The following EP400 variants were observed in gnomAD, a reference collection of about 807,000 sequenced individuals.
The protein encoded by EP400 is E1A-binding protein p400.
In EP400, 105 loss-of-function variants were observed where a neutral mutation model predicts 354.1. The observed-to-expected ratio is 0.30, with a 90% CI of 0.25 to 0.35. The LOEUF is 0.35. EP400 is among the 10% of genes least tolerant of loss of function. The pLI, the probability that EP400 is intolerant of heterozygous loss-of-function variation, is 1.00. For missense variants in EP400, 3,280 were observed against 4,121.0 expected (o/e 0.80, Z 5.59); for synonymous variants, 1,646 against 1,716.9 (o/e 0.96, Z 1.02).
At chr12:132,011,390 CAT>C in intron 15 of EP400, 106 bp from the exon 16 acceptor site, 1 of 1,371,348 alleles carries the variant, frequency 7.3e-7, no homozygotes, top group Non-Finnish European at 1.0e-6. Context: ...TGCGATGGCT[CAT>C]GTGACACATA....
intron 15 of EP400, 150 bp downstream of exon 15, chr12:132,007,027 C>A: frequency 1.3e-6 from 1 of 797,438 alleles, no homozygotes; most frequent in Non-Finnish European, 2.0e-6. Flanking sequence ...CAGAAGTATT[C>A]ATTTTATGAA....
At chr12:132,053,259 A>C (rs549025182) in intron 42 of EP400, 35 bp downstream of exon 42, 1 of 1,611,876 alleles carries the variant, frequency 6.2e-7, no homozygotes, top group South Asian at 1.1e-5. Context: ...TGAGTGGGAA[A>C]ATGTGGTGAC....
chr12:132,059,250 A>G (rs977473688), intron 45 of EP400, among the ~76,000 whole-genome samples: 1 of 152,166 alleles, frequency 6.6e-6, no homozygotes, highest in Non-Finnish European at 1.5e-5. Flanking sequence ...ACACCGAGGT[A>G]GGGCCCCAGG....
rs116843201 is a variant in EP400, at chr12:131,992,159, T to G, written c.2680-14T>G. 12 of 1,604,684 alleles carry G rather than the reference T, an allele frequency of 7.5e-6. No individual in the cohort carries two copies. Among genetic ancestry groups the G allele is most frequent in the Non-Finnish European group, 1.0e-5 (12 of 1,179,876 alleles). ...TGGATCTCATGCTTGTGGTTTTTCT[T>G]TCTTTTCTTTCAGGATTCAGGAATG... On this transcript the variant is annotated splice_polypyrimidine_tract_variant and intron_variant, in intron 10 of 52. Coordinates refer to ENST00000389561, the MANE Select transcript of EP400 (RefSeq NM_015409.5).
chr12:132,020,478 A>G (rs1213479402), intron 22 of EP400, among the ~76,000 whole-genome samples: 1 of 152,230 alleles, frequency 6.6e-6, no homozygotes, highest in Non-Finnish European at 1.5e-5. Context: ...GCCACTGGGC[A>G]GGCTGTTTCT....
rs375076133 is a variant in EP400 at position 132,054,940 on chromosome 12, G to A, written c.7729-34G>A. 46 of 1,608,238 alleles carry A rather than the reference G, an allele frequency of 2.9e-5. No individual in the cohort carries two copies. The Middle Eastern group carries it at 8.2e-4, about 29-fold the overall frequency. On this transcript the variant is annotated intron_variant, in intron 43 of 52. Coordinates refer to ENST00000389561, the MANE Select transcript of EP400 (RefSeq NM_015409.5). This position sits in a 1 kb window ranked among gnomAD's most constrained non-coding sequence, Gnocchi z 4.0. ...GGATTTATGCAGGGGAGAGCCTGAC[G>A]TGAAATTCAAATGGATTTTTTTTTT...
intron 29 of EP400, 141 bp from the exon 30 acceptor site, chr12:132,031,812 C>T (rs1348562889): frequency 1.4e-5 from 11 of 782,150 alleles, no homozygotes; most frequent in Non-Finnish European, 2.2e-5. Flanking sequence ...ACCTCGGCCT[C>T]CCAAAGTGCT....
At chr12:131,998,933 T>A (rs118138195) in intron 12 of EP400, among the ~76,000 whole-genome samples, 55 of 142,756 alleles carry the variant, frequency 3.9e-4, no homozygotes, top group East Asian at 2.6e-3. Flanking sequence ...GTATACAAAG[T>A]CTTTGTATAC....
At chr12:131,998,196 A>C (rs963946906) in intron 12 of EP400, among the ~76,000 whole-genome samples, 1 of 152,156 alleles carries the variant, frequency 6.6e-6, no homozygotes, top group African/African-American at 2.4e-5. Flanking sequence ...GCTTTATAAT[A>C]GTTCTTGATG....
intron 2 of EP400, chr12:131,963,664 A>G (rs904234225): frequency 4.5e-6 from 7 of 1,568,300 alleles, no homozygotes; most frequent in Admixed American, 1.7e-5. Context: ...TGGTTCTCAA[A>G]TGTAGTCTCA....
intron 30 of EP400, among the ~76,000 whole-genome samples, chr12:132,036,224 G>A (rs1179072846): frequency 2.0e-5 from 3 of 148,396 alleles, no homozygotes; most frequent in Non-Finnish European, 4.4e-5. Flanking sequence ...GGTTCACGCG[G>A]AACGTCATGG....
intron 6 of EP400, 27 bp downstream of exon 6, chr12:131,986,834 A>G (rs758233189): frequency 3.2e-6 from 5 of 1,573,628 alleles, no homozygotes; most frequent in Non-Finnish European, 4.3e-6. Context: ...AAGTTGTAAA[A>G]TGTACTCCAG....
chr12:131,972,222 G>T (rs1195993018), intron 2 of EP400, among the ~76,000 whole-genome samples: 1 of 150,862 alleles, frequency 6.6e-6, no homozygotes, highest in East Asian at 1.9e-4. Context: ...GCGCGATCTC[G>T]GTTCACCGCA....
intron 24 of EP400, among the ~76,000 whole-genome samples, chr12:132,024,196 C>G (rs1039192807): frequency 6.6e-6 from 1 of 152,162 alleles, no homozygotes; most frequent in African/African-American, 2.4e-5. Flanking sequence ...AAGAGAGTTT[C>G]GTATTTTGTA....
intron 2 of EP400, among the ~76,000 whole-genome samples, chr12:131,968,576 A>G (rs533950907): frequency 6.6e-6 from 1 of 152,244 alleles, no homozygotes; most frequent in African/African-American, 2.4e-5. Context: ...TTTTGTATAC[A>G]TTTTAGAATG....
At chr12:132,040,309 G>T (rs1198862264) in intron 32 of EP400, among the ~76,000 whole-genome samples, 1 of 152,062 alleles carries the variant, frequency 6.6e-6, no homozygotes, top group Non-Finnish European at 1.5e-5. Context: ...CGGCAGGGAG[G>T]TTCCTCAAAA....
intron 12 of EP400, among the ~76,000 whole-genome samples, chr12:132,000,882 T>G (rs118059590): frequency 6.6e-6 from 1 of 152,262 alleles, no homozygotes; most frequent in Admixed American, 6.5e-5. Context: ...ATTCAGACTT[T>G]CAGTCATCTC....
At chr12:132,042,047 G>C (rs1225080896) in intron 32 of EP400, among the ~76,000 whole-genome samples, 1 of 151,196 alleles carries the variant, frequency 6.6e-6, no homozygotes, top group African/African-American at 2.4e-5. Flanking sequence ...CACCTCCCAG[G>C]TCAAAGTGAT....
chr12:132,037,615 C>A, intron 30 of EP400, 67 bp from the exon 31 acceptor site: 1 of 1,251,946 alleles, frequency 8.0e-7, no homozygotes, highest in Non-Finnish European at 1.2e-6. Context: ...CATCTGCATG[C>A]TGTGCCCACC....
Sources: gnomAD v4.1 joint callset for allele counts (sites outside exome capture counted in the v4.1 genomes callset) on GRCh38, gnomAD v4.1.1 for gene constraint, Gnocchi (gnomAD v3.1) non-coding constraint, MANE v1.5 for transcripts, NCBI Gene and HGNC (gene_info 2026-07-23, HGNC 2026-07-21) for gene names.